LAIR1: variants seen among roughly 807,000 people sequenced by gnomAD.
The protein encoded by LAIR1 is leukocyte-associated immunoglobulin-like receptor 1.
A neutral mutation model predicts 32.8 loss-of-function variants in LAIR1; 24 were observed. The ratio of observed to expected loss-of-function variants is 0.73; its 90% confidence interval spans 0.53 to 1.03. LAIR1 has a LOEUF of 1.03. Among genes scored for constraint, LAIR1 ranks in the 50% least tolerant of loss-of-function variants. The pLI is 0.00. For missense variants in LAIR1, 355 were observed against 347.5 expected (o/e 1.02, Z -0.17); for synonymous variants, 150 against 140.5 (o/e 1.07, Z -0.48).
At chr19:54,356,163 T>C (rs923780974) in intron 8 of LAIR1, 67 bp downstream of exon 8, 10 of 1,303,624 alleles carry the variant, frequency 7.7e-6, no homozygotes, top group Non-Finnish European at 9.8e-6. Flanking sequence ...CCCCCCACAT[T>C]GCATCTGGAT....
chr19:54,367,008 T>A (rs1379105760), upstream of LAIR1, among the ~76,000 whole-genome samples: 1 of 152,208 alleles, frequency 6.6e-6, no homozygotes, highest in Non-Finnish European at 1.5e-5. Flanking sequence ...GGGCAACGAC[T>A]TGCTGGAGAA....
chr19:54,369,244 C>T (rs1035858590), upstream of LAIR1, among the ~76,000 whole-genome samples: 3 of 151,344 alleles, frequency 2.0e-5, no homozygotes, highest in Non-Finnish European at 2.9e-5. Flanking sequence ...GCAGGGGCAC[C>T]GTCCTGCATT....
At position 54,364,546 on chromosome 19, in the gene LAIR1, C is replaced by G; in HGVS notation, c.35-216G>C. On this transcript the variant is annotated intron_variant, in intron 1 of 9. Coordinates refer to ENST00000391742, the MANE Select transcript of LAIR1 (RefSeq NM_002287.6). The surrounding 1 kb of genome is among the most constrained non-coding windows in gnomAD (Gnocchi z 4.8). ...CCTCCTCCAAAAAGGCTCCTGCTCC[C>G]CCAGCCCTTCTTAAAGCTGACCTCA... 1.3e-6 allele frequency: 1 copy of G among 798,382 alleles called. No individual in the cohort carries two copies. The allele number at this position is 798,382 out of a possible 1,614,324, so 49.5% of individuals were successfully genotyped here. A position where few individuals can be genotyped will look rare whatever the true frequency, so the allele number is the denominator to read the frequency against.
chr19:54,372,710 G>A (rs1286590406), upstream of LAIR1, among the ~76,000 whole-genome samples: 11 of 149,892 alleles, frequency 7.3e-5, no homozygotes, highest in Non-Finnish European at 1.5e-4. Flanking sequence ...GGCTGGTCTC[G>A]GACTCCTGAC....
chr19:54,371,067 T>TAA (rs1402226275), upstream of LAIR1, among the ~76,000 whole-genome samples: 7 of 150,124 alleles, frequency 4.7e-5, no homozygotes, highest in East Asian at 1.9e-4. Flanking sequence ...ACAGAACATG[T>TAA]AAAAAAAAAT....
intron 4 of LAIR1, chr19:54,358,475 A>G (rs758458949): frequency 2.2e-6 from 3 of 1,346,782 alleles, no homozygotes; most frequent in Non-Finnish European, 1.0e-6. Context: ...TGCAAATCAT[A>G]TATTTTTATC....
In LAIR1 at chr19:54,364,449, C is replaced by T; in HGVS notation, c.35-119G>A. 1 of 979,590 alleles carries T rather than the reference C, an allele frequency of 1.0e-6. No individual in the cohort carries two copies. 60.7% of individuals were successfully genotyped at this position (979,590 alleles called of 1,614,324 possible). On this transcript the variant is annotated intron_variant, in intron 1 of 9. Coordinates refer to ENST00000391742, the MANE Select transcript of LAIR1 (RefSeq NM_002287.6). The surrounding 1 kb of genome is among the most constrained non-coding windows in gnomAD (Gnocchi z 4.8). ...CAGCATTTCATAACGACCAAGCCAA[C>T]CCTCCTCGACATCACTGTCTCCATG...
chr19:54,361,834 A>C (rs1183185138), intron 2 of LAIR1, among the ~76,000 whole-genome samples: 1 of 152,070 alleles, frequency 6.6e-6, no homozygotes, highest in African/African-American at 2.4e-5. Context: ...TATAGTTTCT[A>C]CTTTCTTCTC....
chr19:54,375,113 C>G (rs1253421773), upstream of LAIR1, among the ~76,000 whole-genome samples: 1 of 152,246 alleles, frequency 6.6e-6, no homozygotes, highest in African/African-American at 2.4e-5. Flanking sequence ...TTGGTCCCAG[C>G]CTGGGCTGCG....
Position 54,364,347 on chromosome 19 carries a change from A to T in LAIR1, c.35-17T>A. The T allele has an allele frequency of 6.2e-7, 1 of 1,613,898 alleles. No individual in the cohort carries two copies. The highest frequency in any genetic ancestry group is 2.2e-5 in the East Asian group (1 of 44,874). Reference sequence around the variant, plus strand: ...GGCAGAGCACTGGAAGAGAAGCCCCAGTGAGAAAAATGCCCAGTGCCCAGT... The same window carrying T: ...GGCAGAGCACTGGAAGAGAAGCCCCTGTGAGAAAAATGCCCAGTGCCCAGT... On this transcript the variant is annotated splice_polypyrimidine_tract_variant and intron_variant, in intron 1 of 9. Coordinates refer to ENST00000391742, the MANE Select transcript of LAIR1 (RefSeq NM_002287.6). This position sits in a 1 kb window ranked among gnomAD's most constrained non-coding sequence, Gnocchi z 4.8.
upstream of LAIR1, among the ~76,000 whole-genome samples, chr19:54,373,212 G>A (rs959644210): frequency 2.0e-5 from 3 of 151,172 alleles, no homozygotes; most frequent in East Asian, 1.9e-4. Context: ...GGAGGCCAAG[G>A]CGGGCAGATC....
Position 54,356,619 on chromosome 19 carries a change from T to G in LAIR1, c.455A>C (p.His152Pro). ...QRPSDNSHNE[H>P]APASQGLKAE... ...TTTCAGGCCTTGGGAAGCAGGTGCA[T>G]CTAAGAAAGACAGAAACAGGATTTC... The change falls in exon 6 of 10, where the codon CAT becomes CCT. Residue 152 changes from histidine to proline, a missense_variant and splice_region_variant. Coordinates refer to ENST00000391742, the MANE Select transcript of LAIR1 (RefSeq NM_002287.6). 3 of 1,613,442 alleles carry G rather than the reference T, an allele frequency of 1.9e-6. No homozygotes were observed. Among genetic ancestry groups the G allele is most frequent in the Non-Finnish European group, 2.5e-6 (3 of 1,179,958 alleles).
Position 54,364,390 on chromosome 19 carries a change from G to A in LAIR1, c.35-60C>T. The A allele has an allele frequency of 6.2e-7, 1 of 1,610,262 alleles. No homozygotes were observed. The highest frequency in any genetic ancestry group is 2.2e-5 in the East Asian group (1 of 44,856). On this transcript the variant is annotated intron_variant, in intron 1 of 9. Transcript: ENST00000391742. This position sits in a 1 kb window ranked among gnomAD's most constrained non-coding sequence, Gnocchi z 4.8. ...TGCCCAGTCTCCTTACGGGGCTGCT[G>A]TCAAAAGGGGGCTCGATGGAGCTGG... is the stretch of plus-strand genomic sequence containing the variant.
At chr19:54,366,536 T>C (rs141134149), upstream of LAIR1, among the ~76,000 whole-genome samples, 1,485 of 152,250 alleles carry the variant, frequency 9.8e-3, 30 homozygotes, top group African/African-American at 0.034. Context: ...TTGCCCAGGC[T>C]GGAGTGAAGC....
upstream of LAIR1, among the ~76,000 whole-genome samples, chr19:54,365,862 C>T (rs117000211): frequency 6.6e-5 from 10 of 151,772 alleles, no homozygotes; most frequent in South Asian, 2.1e-4. Flanking sequence ...ATAGCTAAGA[C>T]GTGAAAACCA....
chr19:54,369,991 G>T (rs2082366765), intron 1 of LAIR1, among the ~76,000 whole-genome samples: 1 of 147,610 alleles, frequency 6.8e-6, no homozygotes, highest in African/African-American at 2.6e-5. Flanking sequence ...TTGCAATCCT[G>T]TGTCGTTCCG....
At chr19:54,374,362 A>G (rs2082467271), upstream of LAIR1, among the ~76,000 whole-genome samples, 1 of 152,186 alleles carries the variant, frequency 6.6e-6, no homozygotes, top group Non-Finnish European at 1.5e-5. Flanking sequence ...CTAGAACTGA[A>G]GGAGGCAGCT....
the LAIR1 span, among the ~76,000 whole-genome samples, chr19:54,375,878 A>AT: frequency 6.6e-6 from 1 of 151,792 alleles, no homozygotes; most frequent in Non-Finnish European, 1.5e-5. Context: ...TTAACCGTAG[A>AT]TTTTAACAAA....
At chr19:54,359,216 T>A (rs1303284760) in intron 4 of LAIR1, among the ~76,000 whole-genome samples, 5 of 151,454 alleles carry the variant, frequency 3.3e-5, no homozygotes, top group African/African-American at 1.2e-4. Context: ...AAGGACGTAC[T>A]CTGGGGATAG....
Sources: gnomAD v4.1 joint callset for allele counts (sites outside exome capture counted in the v4.1 genomes callset) on GRCh38, gnomAD v4.1.1 for gene constraint, Gnocchi (gnomAD v3.1) non-coding constraint, MANE v1.5 for transcripts, NCBI Gene and HGNC (gene_info 2026-07-23, HGNC 2026-07-21) for gene names.